The following CDH13 variants were observed in gnomAD, a reference collection of about 807,000 sequenced individuals.
The protein encoded by CDH13 is cadherin-13.
In CDH13, 24 loss-of-function variants were observed where a neutral mutation model predicts 63.8. The observed-to-expected ratio is 0.38, with a 90% CI of 0.27 to 0.53. CDH13 has a LOEUF of 0.53. Ranked by LOEUF, CDH13 falls within the 20% of genes least tolerant of loss-of-function variation. CDH13 has a pLI of 0.85. For missense variants in CDH13, 1,049 were observed against 903.1 expected, an observed-to-expected ratio of 1.16 and a Z score of -2.07; for synonymous variants, 503 against 355.3, an observed-to-expected ratio of 1.42 and a Z score of -4.67.
chr16:83,546,801 TG>T (rs2075394704), intron 7 of CDH13, among the ~76,000 whole-genome samples: 1 of 152,202 alleles, frequency 6.6e-6, no homozygotes, highest in African/African-American at 2.4e-5. Flanking sequence ...TGATGTCAGT[TG>T]GTGCCACTAG....
chr16:83,371,065 G>A (rs1338204844), intron 6 of CDH13, among the ~76,000 whole-genome samples: 1 of 152,322 alleles, frequency 6.6e-6, no homozygotes, highest in African/African-American at 2.4e-5. Flanking sequence ...GAAAAAAAGG[G>A]AACATTTTTA....
chr16:83,031,402 A>C (rs12596336), intron 2 of CDH13, among the ~76,000 whole-genome samples: 2 of 140,872 alleles, frequency 1.4e-5, no homozygotes, highest in South Asian at 2.3e-4. Context: ...ATACATATAC[A>C]TGTATATGTA....
At chr16:83,098,660 A>C (rs1302298166) in intron 3 of CDH13, among the ~76,000 whole-genome samples, 2 of 152,146 alleles carry the variant, frequency 1.3e-5, no homozygotes, top group Non-Finnish European at 1.5e-5. Context: ...TTTTTCTTTG[A>C]GCATTTCAAC....
intron 7 of CDH13, among the ~76,000 whole-genome samples, chr16:83,577,086 C>T (rs1048695806): frequency 2.0e-5 from 3 of 152,190 alleles, no homozygotes; most frequent in East Asian, 1.9e-4. Context: ...TAATTTATAG[C>T]TCCCTGGATA....
At chr16:83,691,508 CT>C (rs1228354399) in intron 10 of CDH13, among the ~76,000 whole-genome samples, 1 of 152,114 alleles carries the variant, frequency 6.6e-6, no homozygotes, top group African/African-American at 2.4e-5. Context: ...TGAGAATCCC[CT>C]TACAGCCTTG....
At chr16:83,627,636 G>C (rs976984273) in intron 8 of CDH13, among the ~76,000 whole-genome samples, 1 of 151,958 alleles carries the variant, frequency 6.6e-6, no homozygotes, top group Non-Finnish European at 1.5e-5. Flanking sequence ...CTGCAGTCTC[G>C]GCCTCTCAGG....
rs61067563 is a variant in CDH13 at position 83,707,836 on chromosome 16, C to CAAA, written c.1538+29395_1538+29397dup. ...CATCTTTGGTGAGAGACCCTAAAGG[C>CAAA]AAAAAAAAAAAAAAAAAAAAAAGAG... On this transcript the variant is annotated intron_variant, in intron 10 of 13. Transcript: ENST00000567109. Among the ~76,000 whole-genome samples, 358 of 78,786 alleles carry CAAA rather than the reference C, an allele frequency of 4.5e-3. 12 individuals are homozygous for CAAA. The highest frequency in any genetic ancestry group is 0.017 in the South Asian group (32 of 1,928). The allele number at this position is 78,786 out of a possible 152,430, so 51.7% of individuals were successfully genotyped here.
chr16:83,270,159 C>T (rs775427309), intron 5 of CDH13, among the ~76,000 whole-genome samples: 3 of 152,150 alleles, frequency 2.0e-5, no homozygotes, highest in Non-Finnish European at 2.9e-5. Context: ...TGTTACACAG[C>T]AGGGCAATAA....
intron 3 of CDH13, among the ~76,000 whole-genome samples, chr16:83,102,231 G>A (rs959578858): frequency 6.6e-6 from 1 of 152,204 alleles, no homozygotes; most frequent in Non-Finnish European, 1.5e-5. Context: ...TTTTAGCACA[G>A]GAAGGTCTGT....
chr16:82,775,957 C>G (rs1348528917), intron 1 of CDH13, among the ~76,000 whole-genome samples: 1 of 152,166 alleles, frequency 6.6e-6, no homozygotes, highest in Non-Finnish European at 1.5e-5. Context: ...CATCTGGAAT[C>G]CCAGCACTTT....
chr16:83,016,662 G>A (rs144336091), intron 2 of CDH13, among the ~76,000 whole-genome samples: 130 of 152,200 alleles, frequency 8.5e-4, no homozygotes, highest in African/African-American at 3.0e-3. Flanking sequence ...TGTTGCCTTA[G>A]ATGGTGTTCT....
At chr16:82,775,489 T>G (rs2035452519) in intron 1 of CDH13, among the ~76,000 whole-genome samples, 1 of 152,210 alleles carries the variant, frequency 6.6e-6, no homozygotes, top group Non-Finnish European at 1.5e-5. Context: ...TCGCTAACAT[T>G]TACTGACACC....
intron 2 of CDH13, among the ~76,000 whole-genome samples, chr16:82,937,349 A>G (rs1798053329): frequency 6.6e-6 from 1 of 152,030 alleles, no homozygotes; most frequent in South Asian, 2.1e-4. Context: ...GGCAATCTTT[A>G]AATGAAGCTA....
intron 2 of CDH13, among the ~76,000 whole-genome samples, chr16:83,019,654 C>T (rs1915154561): frequency 6.6e-6 from 1 of 151,546 alleles, no homozygotes; most frequent in African/African-American, 2.4e-5. Flanking sequence ...AGCCACCCCA[C>T]CCAGCTAATT....
intron 10 of CDH13, among the ~76,000 whole-genome samples, chr16:83,703,030 C>A (rs1277511531): frequency 6.6e-6 from 1 of 152,188 alleles, no homozygotes; most frequent in Non-Finnish European, 1.5e-5. Flanking sequence ...TGCTATGGAG[C>A]CTATGTTTCC....
chr16:82,724,635 T>G (rs2032985617), intron 1 of CDH13, among the ~76,000 whole-genome samples: 1 of 152,158 alleles, frequency 6.6e-6, no homozygotes, highest in Non-Finnish European at 1.5e-5. Flanking sequence ...ACTGTATGTG[T>G]GTGCACATGT....
At chr16:82,633,566 A>T (rs774221092) in intron 1 of CDH13, among the ~76,000 whole-genome samples, 3 of 152,054 alleles carry the variant, frequency 2.0e-5, no homozygotes, top group African/African-American at 4.8e-5. Flanking sequence ...TTTAGTAGAG[A>T]CGGGGTTTCA....
intron 2 of CDH13, among the ~76,000 whole-genome samples, chr16:83,017,443 C>T (rs1914915937): frequency 6.6e-6 from 1 of 152,192 alleles, no homozygotes; most frequent in Admixed American, 6.5e-5. Flanking sequence ...CACTCTCTTT[C>T]CCAAGGACCT....
At chr16:83,440,913 A>C (rs962094652) in intron 6 of CDH13, among the ~76,000 whole-genome samples, 1 of 152,010 alleles carries the variant, frequency 6.6e-6, no homozygotes, top group African/African-American at 2.4e-5. Flanking sequence ...CATGACTGTG[A>C]CCTACCTGGA....
Sources: allele counts gnomAD v4.1 joint callset (sites outside exome capture counted in the v4.1 genomes callset), GRCh38; gene constraint gnomAD v4.1.1; transcripts MANE v1.5; gene names NCBI Gene and HGNC (gene_info 2026-07-23, HGNC 2026-07-21).